GRIA2: variants seen among roughly 807,000 people sequenced by gnomAD.
GRIA2 encodes the protein glutamate receptor 2.
Under a neutral mutation model 97.3 loss-of-function variants are expected in GRIA2, and 14 were observed. The observed-to-expected ratio is 0.14, with a 90% CI of 0.10 to 0.23. The LOEUF is 0.23. GRIA2 is among the 10% of genes least tolerant of loss of function. The probability of loss-of-function intolerance (pLI) is 1.00; values close to 1 mark genes in which losing one functional copy is unlikely to be tolerated. For missense variants in GRIA2, 558 were observed against 1,069.8 expected (o/e 0.52, Z 6.67); for synonymous variants, 412 against 387.8 (o/e 1.06, Z -0.73).
chr4:157,300,824 C>G (rs1733580443), intron 2 of GRIA2, among the ~76,000 whole-genome samples: 1 of 152,088 alleles, frequency 6.6e-6, no homozygotes, highest in African/African-American at 2.4e-5. Flanking sequence ...GTTGTTGGGT[C>G]AAAGCCAGTG....
At chr4:157,269,934 C>T (rs1052890669) in intron 2 of GRIA2, among the ~76,000 whole-genome samples, 1 of 151,790 alleles carries the variant, frequency 6.6e-6, no homozygotes, top group African/African-American at 2.4e-5. Flanking sequence ...AAAAGTGGGC[C>T]CATCAGTCTT....
chr4:157,360,292 A>G, intron 13 of GRIA2, 149 bp downstream of exon 13: 2 of 719,580 alleles, frequency 2.8e-6, no homozygotes, highest in Non-Finnish European at 4.5e-6. Context: ...GAATGTTTTT[A>G]AACATTTAGA....
chr4:157,327,088 C>T lies in GRIA2; in HGVS notation c.882+5489C>T, dbSNP rs959962272. Among the ~76,000 whole-genome samples the T allele has an allele frequency of 2.6e-5, 4 of 152,178 alleles. No individual in the cohort carries two copies. The East Asian group carries it at 5.8e-4, about 22-fold the overall frequency. On this transcript the variant is annotated intron_variant, in intron 6 of 15. Coordinates refer to ENST00000264426, the MANE Select transcript of GRIA2 (RefSeq NM_001083619.3). Reference sequence around the variant, plus strand: ...ATAAATGAAATAATAATTGTAAAATCGTAATCATTCATAGGTAATATACTG... The same window carrying T: ...ATAAATGAAATAATAATTGTAAAATTGTAATCATTCATAGGTAATATACTG...
chr4:157,266,694 G>C (rs1217830878), intron 2 of GRIA2, among the ~76,000 whole-genome samples: 2 of 152,048 alleles, frequency 1.3e-5, no homozygotes, highest in East Asian at 1.9e-4. Context: ...AGAGAGGAGA[G>C]AAGGAGTAGA....
chr4:157,220,808 T>C lies in GRIA2; in HGVS notation c.-235T>C. The C allele has an allele frequency of 1.8e-6, 1 of 554,264 alleles. No homozygotes were observed. The highest frequency in any genetic ancestry group is 3.2e-6 in the Non-Finnish European group (1 of 310,750). The allele number at this position is 554,264 out of a possible 1,614,324, so 34.3% of individuals were successfully genotyped here. The stretch of plus-strand genomic sequence containing the variant: ...GCGGCAGCTCCGCTGAAAACTGCAT[T>C]CAGCCAGTCCTCCGGACTTCTGGAG... On this transcript the variant is annotated 5_prime_UTR_variant, in exon 1 of 16. Transcript: ENST00000264426.
chr4:157,230,495 ATTCC>A (rs941163771), intron 2 of GRIA2, among the ~76,000 whole-genome samples: 9 of 151,620 alleles, frequency 5.9e-5, no homozygotes, highest in East Asian at 2.0e-4. Flanking sequence ...AAATTAATTC[ATTCC>A]TTCCTTCCTT....
At chr4:157,320,677 T>G (rs543637947) in intron 5 of GRIA2, among the ~76,000 whole-genome samples, 4 of 152,246 alleles carry the variant, frequency 2.6e-5, no homozygotes, top group African/African-American at 9.6e-5. Flanking sequence ...TTTAGGATAC[T>G]TTTAACTTTT....
intron 6 of GRIA2, among the ~76,000 whole-genome samples, chr4:157,323,814 T>C (rs1256030841): frequency 6.6e-6 from 1 of 152,144 alleles, no homozygotes; most frequent in Non-Finnish European, 1.5e-5. Flanking sequence ...TTTCACTGAG[T>C]TGAGAACCTG....
chr4:157,277,448 G>A (rs925415797), intron 2 of GRIA2, among the ~76,000 whole-genome samples: 1 of 151,756 alleles, frequency 6.6e-6, no homozygotes, highest in African/African-American at 2.4e-5. Context: ...GAAACTAGAA[G>A]CTTTATTGCT....
intron 2 of GRIA2, among the ~76,000 whole-genome samples, chr4:157,246,800 T>A (rs1301016442): frequency 6.6e-6 from 1 of 152,152 alleles, no homozygotes; most frequent in Non-Finnish European, 1.5e-5. Context: ...GAGTAGTTAC[T>A]GTTTTTGGTT....
At chr4:157,267,507 AG>A (rs1443461905) in intron 2 of GRIA2, among the ~76,000 whole-genome samples, 1 of 152,066 alleles carries the variant, frequency 6.6e-6, no homozygotes, top group African/African-American at 2.4e-5. Flanking sequence ...TTGTTATTAA[AG>A]ACCTATCATC....
rs747461041 is a variant in GRIA2, at chr4:157,309,349, G to GTT, written c.470-3311_470-3310dup. Among the ~76,000 whole-genome samples the GTT allele has an allele frequency of 7.8e-4, 102 of 130,656 alleles. 1 individual carries two copies. Among genetic ancestry groups the GTT allele is most frequent in the African/African-American group, 1.9e-3 (66 of 35,086 alleles). The allele number at this position is 130,656 out of a possible 152,430, so 85.7% of individuals were successfully genotyped here. On this transcript the variant is annotated intron_variant, in intron 3 of 15. Coordinates refer to ENST00000264426, the MANE Select transcript of GRIA2 (RefSeq NM_001083619.3). ...GTTTGAAAGTCAGAGAAATTTCTTG[G>GTT]TTTTTTTTTTTTTTTTTTTTGAAAT...
intron 12 of GRIA2, among the ~76,000 whole-genome samples, chr4:157,350,586 G>C (rs1430085092): frequency 5.3e-5 from 8 of 150,500 alleles, no homozygotes; most frequent in Non-Finnish European, 7.4e-5. Context: ...AAAAAAAAAG[G>C]CTCTAATGAA....
intron 2 of GRIA2, among the ~76,000 whole-genome samples, chr4:157,223,141 C>T (rs1247310871): frequency 6.6e-6 from 1 of 152,190 alleles, no homozygotes; most frequent in Non-Finnish European, 1.5e-5. Flanking sequence ...CCCTCCTCCC[C>T]ATTTTAAGCT....
intron 2 of GRIA2, among the ~76,000 whole-genome samples, chr4:157,290,540 C>T (rs1213994679): frequency 2.0e-5 from 3 of 149,670 alleles, no homozygotes; most frequent in Non-Finnish European, 4.4e-5. Flanking sequence ...CTAGAAGGAA[C>T]TAGTTCATGG....
At chr4:157,341,668 G>GA (rs1256656338) in intron 12 of GRIA2, among the ~76,000 whole-genome samples, 4 of 152,072 alleles carry the variant, frequency 2.6e-5, no homozygotes, top group Admixed American at 2.6e-4. Flanking sequence ...CTCCTTAGGA[G>GA]AAAAATCACA....
chr4:157,279,833 CAT>C (rs1382514072), intron 2 of GRIA2, among the ~76,000 whole-genome samples: 2 of 152,100 alleles, frequency 1.3e-5, no homozygotes, highest in African/African-American at 4.8e-5. Flanking sequence ...TTATTAAAAA[CAT>C]ATGACTCGCC....
intron 2 of GRIA2, among the ~76,000 whole-genome samples, chr4:157,261,278 T>G (rs552696043): frequency 1.3e-5 from 2 of 152,272 alleles, no homozygotes; most frequent in African/African-American, 4.8e-5. Flanking sequence ...TTTTAAATCT[T>G]TGTATTCAGA....
intron 9 of GRIA2, 108 bp from the exon 10 acceptor site, chr4:157,335,563 C>G (rs1386607512): frequency 1.4e-6 from 1 of 693,892 alleles, no homozygotes; most frequent in Non-Finnish European, 2.6e-6. Flanking sequence ...CTATATTCTT[C>G]ATTCACTCTG....
Sources: gnomAD v4.1 joint callset for allele counts (sites outside exome capture counted in the v4.1 genomes callset) on GRCh38, gnomAD v4.1.1 for gene constraint, MANE v1.5 for transcripts, NCBI Gene and HGNC (gene_info 2026-07-23, HGNC 2026-07-21) for gene names.